MRAP2: variants seen among roughly 807,000 people sequenced by gnomAD.
MRAP2 encodes melanocortin 2 receptor accessory protein 2.
A neutral mutation model predicts 17.4 loss-of-function variants in MRAP2; 20 were observed. The observed-to-expected ratio is 1.15, with a 90% confidence interval of 0.81 to 1.67. The LOEUF is 1.67. Among genes scored for constraint, MRAP2 ranks in the 40% most tolerant of loss-of-function variants. The pLI, the probability that MRAP2 is intolerant of heterozygous loss-of-function variation, is 0.00. For synonymous variants in MRAP2, 96 were observed against 88.4 expected, an observed-to-expected ratio of 1.09 and a Z score of -0.48; for missense variants, 238 against 240.0, an observed-to-expected ratio of 0.99 and a Z score of 0.05.
intron 3 of MRAP2, among the ~76,000 whole-genome samples, chr6:84,085,798 C>T (rs1198791008): frequency 6.6e-6 from 1 of 152,204 alleles, no homozygotes; most frequent in African/African-American, 2.4e-5. Flanking sequence ...AAGGACACTT[C>T]TCAGGAAGAG....
intron 3 of MRAP2, among the ~76,000 whole-genome samples, chr6:84,084,706 G>T (rs1344723136): frequency 6.6e-6 from 1 of 152,024 alleles, no homozygotes; most frequent in Non-Finnish European, 1.5e-5. Context: ...TATATTTGCA[G>T]TTTCTATTTC....
At chr6:84,132,874 G>A in the MRAP2 span, among the ~76,000 whole-genome samples, 1 of 152,044 alleles carries the variant, frequency 6.6e-6, no homozygotes, top group Admixed American at 6.5e-5. Context: ...TCTTGGTCCA[G>A]CTTTATTCCA....
chr6:84,134,768 G>A, the MRAP2 span, among the ~76,000 whole-genome samples: 1 of 152,038 alleles, frequency 6.6e-6, no homozygotes, highest in Non-Finnish European at 1.5e-5. Flanking sequence ...ACTGAGACCT[G>A]TAGAATACAG....
chr6:84,064,408 G>A (rs1320002251), intron 3 of MRAP2, among the ~76,000 whole-genome samples: 1 of 152,182 alleles, frequency 6.6e-6, no homozygotes, highest in African/African-American at 2.4e-5. Context: ...CAAGCACAGA[G>A]CAGGACAGGG....
intron 3 of MRAP2, among the ~76,000 whole-genome samples, chr6:84,063,944 C>G (rs116870380): frequency 0.023 from 3,494 of 151,850 alleles, 47 homozygotes; most frequent in Middle Eastern, 0.065. Context: ...ACCTGGGATG[C>G]TGAAGCACAA....
At chr6:84,119,021 A>T in the MRAP2 span, among the ~76,000 whole-genome samples, 1 of 152,168 alleles carries the variant, frequency 6.6e-6, no homozygotes, top group Non-Finnish European at 1.5e-5. Flanking sequence ...TTTGGACACT[A>T]TATCTGGTCT....
the MRAP2 span, among the ~76,000 whole-genome samples, chr6:84,097,894 G>A: frequency 6.6e-6 from 1 of 152,162 alleles, no homozygotes; most frequent in African/African-American, 2.4e-5. Context: ...AGGGCTAGAG[G>A]CTGATTATCT....
intron 3 of MRAP2, among the ~76,000 whole-genome samples, chr6:84,078,669 C>T (rs2099498227): frequency 1.3e-5 from 2 of 152,206 alleles, no homozygotes; most frequent in Non-Finnish European, 2.9e-5. Flanking sequence ...CTTGCTTTCT[C>T]AAGACTGGAT....
intron 3 of MRAP2, among the ~76,000 whole-genome samples, chr6:84,083,260 C>T (rs973279186): frequency 3.9e-5 from 6 of 152,314 alleles, no homozygotes; most frequent in African/African-American, 1.4e-4. Context: ...CAACAGCCAC[C>T]ATGCCTGGCC....
intron 3 of MRAP2, among the ~76,000 whole-genome samples, chr6:84,064,612 C>T (rs1369386625): frequency 6.6e-6 from 1 of 152,152 alleles, no homozygotes; most frequent in Non-Finnish European, 1.5e-5. Context: ...CTCAGCCTCC[C>T]CAGTAGCTGG....
the MRAP2 span, among the ~76,000 whole-genome samples, chr6:84,114,009 A>AT: frequency 3.1e-4 from 47 of 151,794 alleles, no homozygotes; most frequent in East Asian, 3.9e-4. Flanking sequence ...TGCCTTTAAC[A>AT]TTTTTTTTGT....
intron 3 of MRAP2, among the ~76,000 whole-genome samples, chr6:84,083,770 T>G (rs1489554363): frequency 1.3e-5 from 2 of 152,228 alleles, no homozygotes; most frequent in Admixed American, 6.5e-5. Context: ...CCTTTTAAAT[T>G]TATTAATCAG....
At chr6:84,143,596 A>AAAATG in the MRAP2 span, among the ~76,000 whole-genome samples, 2 of 152,120 alleles carry the variant, frequency 1.3e-5, no homozygotes, top group Admixed American at 1.3e-4. Context: ...GAAGAACAAA[A>AAAATG]AAATGAATGA....
chr6:84,143,843 G>A, the MRAP2 span, among the ~76,000 whole-genome samples: 1 of 151,924 alleles, frequency 6.6e-6, no homozygotes, highest in South Asian at 2.1e-4. Context: ...TTACCTTTAA[G>A]TTAATTTATG....
At chr6:84,040,455 C>T (rs1562869525) in intron 1 of MRAP2, among the ~76,000 whole-genome samples, 1 of 152,030 alleles carries the variant, frequency 6.6e-6, no homozygotes, top group African/African-American at 2.4e-5. Context: ...GGGTAATGGG[C>T]AGAGGTTGGA....
chr6:84,121,820 T>G, the MRAP2 span, among the ~76,000 whole-genome samples: 1 of 152,084 alleles, frequency 6.6e-6, no homozygotes, highest in Non-Finnish European at 1.5e-5. Context: ...AGAGGAAAGT[T>G]TATAGAATAA....
intron 1 of MRAP2, among the ~76,000 whole-genome samples, chr6:84,046,685 G>A (rs1395179728): frequency 6.7e-6 from 1 of 149,144 alleles, no homozygotes; most frequent in African/African-American, 2.5e-5. Context: ...GGAGGCTGAG[G>A]CAGAAGAATC....
chr6:84,133,950 G>A, the MRAP2 span, among the ~76,000 whole-genome samples: 4 of 152,180 alleles, frequency 2.6e-5, no homozygotes, highest in Non-Finnish European at 4.4e-5. Flanking sequence ...GCTCATGCTA[G>A]GAGCTGTAGA....
the MRAP2 span, among the ~76,000 whole-genome samples, chr6:84,128,592 T>A: frequency 1.3e-5 from 2 of 152,112 alleles, no homozygotes; most frequent in Admixed American, 6.6e-5. Flanking sequence ...AATATCTTCA[T>A]CTAAAATGGG....
Sources: gnomAD v4.1 joint callset for allele counts (sites outside exome capture counted in the v4.1 genomes callset) on GRCh38, gnomAD v4.1.1 for gene constraint, MANE v1.5 for transcripts, NCBI Gene and HGNC (gene_info 2026-07-23, HGNC 2026-07-21) for gene names.